The following TRIM36 variants were observed in gnomAD, a reference collection of about 807,000 sequenced individuals.
TRIM36 encodes the protein E3 ubiquitin-protein ligase TRIM36.
A neutral mutation model predicts 72.4 loss-of-function variants in TRIM36; 42 were observed. The ratio of observed to expected loss-of-function variants is 0.58; its 90% CI spans 0.45 to 0.75. The LOEUF is 0.75. Ranked by LOEUF, TRIM36 falls within the 30% of genes least tolerant of loss-of-function variation. The pLI is 0.00. For missense variants in TRIM36, 913 were observed against 857.1 expected, an observed-to-expected ratio of 1.07 and a Z score of -0.81; for synonymous variants, 315 against 282.8, an observed-to-expected ratio of 1.11 and a Z score of -1.14.
At chr5:115,171,937 G>A (rs898271432), upstream of TRIM36, among the ~76,000 whole-genome samples, 2 of 152,172 alleles carry the variant, frequency 1.3e-5, no homozygotes, top group African/African-American at 4.8e-5. Context: ...TCATTTGGTG[G>A]TATTTTTGTT....
upstream of TRIM36, chr5:115,171,197 C>G: frequency 2.5e-6 from 4 of 1,614,146 alleles, no homozygotes; most frequent in Non-Finnish European, 3.4e-6. Context: ...CTGTCTGCAG[C>G]GGTAGCCTCG....
chr5:115,162,832 T>G (rs1468197045), intron 2 of TRIM36, among the ~76,000 whole-genome samples: 1 of 152,188 alleles, frequency 6.6e-6, no homozygotes, highest in East Asian at 1.9e-4. Context: ...GTCCCACTCC[T>G]TAACTCTGCA....
chr5:115,163,929 C>T (rs1012591571), intron 1 of TRIM36, among the ~76,000 whole-genome samples, 177 bp from the exon 2 acceptor site: 1 of 151,942 alleles, frequency 6.6e-6, no homozygotes, highest in African/African-American at 2.4e-5. Context: ...CCCTCAACAC[C>T]CATAACCCAG....
chr5:115,168,275 A>G (rs1754901605), intron 1 of TRIM36, among the ~76,000 whole-genome samples: 1 of 152,198 alleles, frequency 6.6e-6, no homozygotes, highest in Middle Eastern at 3.2e-3. Flanking sequence ...AGTGAGAAGC[A>G]TTTTAGACTC....
At chr5:115,177,957 G>T (rs113426858) in intron 1 of TRIM36, 8 of 1,408,958 alleles carry the variant, frequency 5.7e-6, no homozygotes, top group African/African-American at 2.8e-5. Context: ...TTTCATTATA[G>T]TGAGCATACT....
At chr5:115,150,449 T>C (rs1013035193) in intron 2 of TRIM36, among the ~76,000 whole-genome samples, 2 of 152,252 alleles carry the variant, frequency 1.3e-5, no homozygotes, top group Non-Finnish European at 1.5e-5. Flanking sequence ...ATTTCCATTA[T>C]AGTAGAAAGT....
intron 2 of TRIM36, among the ~76,000 whole-genome samples, chr5:115,151,231 G>A (rs904071976): frequency 1.3e-5 from 2 of 152,146 alleles, no homozygotes; most frequent in Non-Finnish European, 2.9e-5. Context: ...CTGTGTGGGA[G>A]CTGGGTGAGG....
chr5:115,175,627 A>G (rs938366535), intron 1 of TRIM36, among the ~76,000 whole-genome samples: 3 of 152,176 alleles, frequency 2.0e-5, no homozygotes, highest in African/African-American at 7.2e-5. Flanking sequence ...ACATCCTTTT[A>G]CAAAGTAGTT....
chr5:115,142,829 T>C (rs932836859), intron 4 of TRIM36, among the ~76,000 whole-genome samples: 5 of 152,138 alleles, frequency 3.3e-5, no homozygotes, highest in African/African-American at 1.2e-4. Flanking sequence ...AGGACCCCAG[T>C]TCTTTAGGAA....
At position 115,133,919 on chromosome 5, in the gene TRIM36, T is replaced by C; in HGVS notation, c.1439A>G (p.Lys480Arg). Residue 480 changes from lysine to arginine, a missense_variant, in exon 8 of 10, where the codon AAG (lysine) becomes AGG (arginine). Physicochemically the swap from Lys to Arg is conservative, Grantham distance 26. Transcript: ENST00000513154. ...STYAFRVRAY[K>R]GSICSPCSRE... ...GCTGCAAGGACTACAGATTGAACCC[T>C]TGTAAGCTCTTACTCTGAAAGCATA... is the stretch of plus-strand genomic sequence containing the variant. The C allele has an allele frequency of 1.2e-6, 2 of 1,613,496 alleles. No individual in the cohort carries two copies. Among genetic ancestry groups the C allele is most frequent in the Non-Finnish European group, 8.5e-7 (1 of 1,179,788 alleles).
intron 4 of TRIM36, among the ~76,000 whole-genome samples, chr5:115,143,282 G>C (rs2112825308): frequency 7.7e-6 from 1 of 129,404 alleles, no homozygotes; most frequent in South Asian, 2.7e-4. Context: ...ATTGAAAAGA[G>C]TAATCAAAGG....
chr5:115,139,894 C>T (rs1047492061), intron 5 of TRIM36, among the ~76,000 whole-genome samples: 1 of 152,154 alleles, frequency 6.6e-6, no homozygotes, highest in African/African-American at 2.4e-5. Context: ...AACCCCAAAA[C>T]AGACTCTGGG....
At chr5:115,174,810 A>G (rs1005867765), upstream of TRIM36, among the ~76,000 whole-genome samples, 6 of 152,224 alleles carry the variant, frequency 3.9e-5, no homozygotes, top group African/African-American at 1.4e-4. Context: ...GACAAAATCT[A>G]GTAAGCATTT....
At chr5:115,137,792 ACT>A (rs1178875480) in intron 5 of TRIM36, among the ~76,000 whole-genome samples, 176 bp from the exon 6 acceptor site, 1 of 152,216 alleles carries the variant, frequency 6.6e-6, no homozygotes, top group Non-Finnish European at 1.5e-5. Context: ...GTTTTATCTA[ACT>A]CTGAAATTTT....
At chr5:115,156,042 A>C (rs1011270066) in intron 2 of TRIM36, among the ~76,000 whole-genome samples, 1 of 152,106 alleles carries the variant, frequency 6.6e-6, no homozygotes, top group African/African-American at 2.4e-5. Flanking sequence ...CAATAACTCA[A>C]CCACTTTTAC....
intron 2 of TRIM36, among the ~76,000 whole-genome samples, chr5:115,160,849 C>G (rs934270721): frequency 1.3e-5 from 2 of 151,856 alleles, no homozygotes; most frequent in African/African-American, 4.8e-5. Context: ...GACCCTGTCT[C>G]AAATAAATGT....
At chr5:115,168,876 G>A (rs765468854) in intron 1 of TRIM36, 1 of 152,310 alleles carries the variant, frequency 6.6e-6, no homozygotes, top group East Asian at 1.9e-4. Context: ...TGTCACTGGG[G>A]GAGGATCTAA....
intron 1 of TRIM36, chr5:115,169,168 C>T (rs1303495854): frequency 6.1e-6 from 1 of 162,858 alleles, no homozygotes; most frequent in African/African-American, 2.4e-5. Context: ...GGGGAGGAGC[C>T]TCTGGCCCAG....
At chr5:115,171,621 G>A (rs1401641333), upstream of TRIM36, among the ~76,000 whole-genome samples, 2 of 152,138 alleles carry the variant, frequency 1.3e-5, no homozygotes, top group African/African-American at 4.8e-5. Context: ...AGTTGACACA[G>A]TAAAAGTGAT....
Sources: allele counts gnomAD v4.1 joint callset (sites outside exome capture counted in the v4.1 genomes callset), GRCh38; gene constraint gnomAD v4.1.1; transcripts MANE v1.5; gene names NCBI Gene and HGNC (gene_info 2026-07-23, HGNC 2026-07-21).